Variants in VIT observed in about 807,000 individuals in gnomAD.
VIT encodes the protein vitrin.
A neutral mutation model predicts 78.0 loss-of-function variants in VIT; 99 were observed. That is an observed-to-expected ratio of 1.27 (90% CI 1.08 to 1.50). The LOEUF (loss-of-function observed/expected upper bound fraction) is 1.50, where lower values mean the gene tolerates loss of function less well. Among genes scored for constraint, VIT ranks in the 40% most tolerant of loss-of-function variants. VIT has a pLI of 0.00. For synonymous variants in VIT, 374 were observed against 334.3 expected, an observed-to-expected ratio of 1.12 and a Z score of -1.29; for missense variants, 1,126 against 875.3, an observed-to-expected ratio of 1.29 and a Z score of -3.61.
chr2:36,750,003 G>A lies in VIT; in HGVS notation c.276-4918G>A, dbSNP rs1161957405. On this transcript the variant is annotated intron_variant, in intron 4 of 15. Coordinates refer to ENST00000379242, the MANE Select transcript of VIT (RefSeq NM_053276.4). ...CTATAGTAATCTTTTCCCCATTACT[G>A]CAGAGGGACGAGGAGTGAACTGGTT... 3.9e-5 allele frequency among the ~76,000 whole-genome samples: 6 copies of A among 152,188 alleles called. No individual in the cohort carries two copies. The East Asian group carries it at 1.2e-3, about 29-fold the overall frequency.
intron 1 of VIT, among the ~76,000 whole-genome samples, chr2:36,707,580 A>C (rs1665509936): frequency 6.6e-6 from 1 of 152,076 alleles, no homozygotes; most frequent in South Asian, 2.1e-4. Context: ...TTATGCCTCG[A>C]ATTGGGATCT....
At position 36,805,582 on chromosome 2, in the gene VIT, G is replaced by C; in HGVS notation, c.1307G>C (p.Gly436Ala). The change falls in exon 14 of 16, where the codon GGA (glycine) becomes GCA (alanine). Residue 436 changes from glycine (G) to alanine (A), a missense_variant. By Grantham distance (60) the Gly-to-Ala change is moderately conservative (BLOSUM62 0). Transcript: ENST00000379242. ...EEASRLARESGINIFFITIEG... is the reference protein window; with the variant it reads ...EEASRLARESAINIFFITIEG... The stretch of plus-strand genomic sequence containing the variant: ...GCTTCAAGACTTGCGAGAGAGTCAG[G>C]AATCAACATTTTCTTCATCACCATT... 2 of 1,614,128 alleles carry C rather than the reference G, an allele frequency of 1.2e-6. No homozygotes were observed. Among genetic ancestry groups the C allele is most frequent in the Non-Finnish European group, 1.7e-6 (2 of 1,180,018 alleles).
chr2:36,727,944 T>C (rs1383734242), intron 2 of VIT, among the ~76,000 whole-genome samples: 2 of 152,252 alleles, frequency 1.3e-5, no homozygotes, highest in African/African-American at 4.8e-5. Context: ...TTTTCTTTTT[T>C]TTGAGATGAA....
At chr2:36,759,443 T>C in intron 6 of VIT, 1 of 1,245,150 alleles carries the variant, frequency 8.0e-7, no homozygotes, top group Non-Finnish European at 1.0e-6. Context: ...CGAGGTGGTT[T>C]ATGTGATAAC....
chr2:36,751,244 A>C (rs7570307), intron 4 of VIT, among the ~76,000 whole-genome samples: 183 of 152,274 alleles, frequency 1.2e-3, no homozygotes, highest in African/African-American at 4.3e-3. Flanking sequence ...AAAAATATGA[A>C]AATCAGCTGG....
intron 9 of VIT, among the ~76,000 whole-genome samples, chr2:36,778,531 G>C (rs961142840): frequency 4.6e-5 from 7 of 152,198 alleles, no homozygotes; most frequent in African/African-American, 1.7e-4. Flanking sequence ...GTTTCCAAGA[G>C]AAAAGGCTGC....
intron 2 of VIT, among the ~76,000 whole-genome samples, chr2:36,720,609 C>T (rs1487090383): frequency 6.6e-6 from 1 of 152,200 alleles, no homozygotes; most frequent in African/African-American, 2.4e-5. Context: ...ATTTCATTTA[C>T]ATACTGTATC....
chr2:36,714,453 G>GT (rs10717209), intron 1 of VIT, among the ~76,000 whole-genome samples: 1,763 of 151,156 alleles, frequency 0.012, 42 homozygotes, highest in African/African-American at 0.04. Context: ...TTTATCTCTT[G>GT]TTTTTTTTTA....
At chr2:36,733,086 C>T (rs543893042) in intron 3 of VIT, among the ~76,000 whole-genome samples, 5 of 152,268 alleles carry the variant, frequency 3.3e-5, no homozygotes, top group African/African-American at 7.2e-5. Flanking sequence ...TGGACTTCTT[C>T]GAGAGGGCAA....
intron 15 of VIT, among the ~76,000 whole-genome samples, chr2:36,812,211 A>G (rs989166858): frequency 3.3e-5 from 5 of 152,100 alleles, no homozygotes; most frequent in Non-Finnish European, 7.3e-5. Context: ...AATTTAATGG[A>G]CCACAATCAA....
chr2:36,812,488 G>A (rs559673679), intron 15 of VIT, among the ~76,000 whole-genome samples: 1 of 151,622 alleles, frequency 6.6e-6, no homozygotes, highest in African/African-American at 2.4e-5. Flanking sequence ...CCACCACCCC[G>A]GGCAGTCTCC....
rs1666658241 is a variant in VIT, at chr2:36,805,573, G to T, written c.1298G>T (p.Arg433Ile). 8 of 1,614,050 alleles carry T rather than the reference G, an allele frequency of 5.0e-6. No homozygotes were observed. Among genetic ancestry groups the T allele is most frequent in the Non-Finnish European group, 6.8e-6 (8 of 1,180,034 alleles). ...GTGGAGGAGGCTTCAAGACTTGCGA[G>T]AGAGTCAGGAATCAACATTTTCTTC... ...DKVEEASRLA[R>I]ESGINIFFIT... Residue 433 changes from arginine (R) to isoleucine (I), a missense_variant, in exon 14 of 16, where the codon AGA becomes ATA. Coordinates refer to ENST00000379242, the MANE Select transcript of VIT (RefSeq NM_053276.4).
At chr2:36,702,700 A>G (rs1271166636) in intron 1 of VIT, among the ~76,000 whole-genome samples, 1 of 152,112 alleles carries the variant, frequency 6.6e-6, no homozygotes, top group Non-Finnish European at 1.5e-5. Flanking sequence ...GACAGGCCTC[A>G]CTAGTTGGTA....
intron 3 of VIT, among the ~76,000 whole-genome samples, chr2:36,739,242 T>C (rs1257536904): frequency 1.3e-5 from 2 of 152,182 alleles, no homozygotes; most frequent in East Asian, 1.9e-4. Flanking sequence ...TAATTGCTTG[T>C]TGATAAGGAA....
intron 6 of VIT, among the ~76,000 whole-genome samples, chr2:36,760,707 C>T (rs1192562754): frequency 1.5e-5 from 2 of 130,290 alleles, no homozygotes; most frequent in African/African-American, 5.8e-5. Flanking sequence ...GGCAAGGAGA[C>T]AGTGTTTAGT....
intron 2 of VIT, among the ~76,000 whole-genome samples, chr2:36,727,831 C>G (rs1173009588): frequency 6.6e-6 from 1 of 152,220 alleles, no homozygotes; most frequent in Non-Finnish European, 1.5e-5. Flanking sequence ...TACTGAGCCG[C>G]CAGCTGCCAA....
chr2:36,725,890 G>A (rs12467697), intron 2 of VIT, among the ~76,000 whole-genome samples: 62,171 of 151,790 alleles, frequency 0.41, 13,457 homozygotes, highest in Admixed American at 0.55. Context: ...TGGCCAACAT[G>A]GTGAAACCCC....
intron 2 of VIT, among the ~76,000 whole-genome samples, chr2:36,728,937 C>G (rs1421554664): frequency 6.6e-6 from 1 of 151,892 alleles, no homozygotes; most frequent in Non-Finnish European, 1.5e-5. Flanking sequence ...ACTCACTCAC[C>G]CCTCACTCAC....
At chr2:36,702,220 G>A (rs776370576) in intron 1 of VIT, among the ~76,000 whole-genome samples, 1 of 152,108 alleles carries the variant, frequency 6.6e-6, no homozygotes, top group Non-Finnish European at 1.5e-5. Flanking sequence ...GGAGGCCAGT[G>A]TGTCTGCAGC....
Sources: gnomAD v4.1 joint callset for allele counts (sites outside exome capture counted in the v4.1 genomes callset) on GRCh38, gnomAD v4.1.1 for gene constraint, MANE v1.5 for transcripts, NCBI Gene and HGNC (gene_info 2026-07-23, HGNC 2026-07-21) for gene names.